Variants in KCNIP1 observed in about 807,000 individuals in gnomAD.
KCNIP1 encodes A-type potassium channel modulatory protein KCNIP1.
Under a neutral mutation model 33.0 loss-of-function variants are expected in KCNIP1, and 18 were observed. The observed-to-expected ratio is 0.55, with a 90% confidence interval of 0.38 to 0.81. The LOEUF is 0.81. Ranked by LOEUF, KCNIP1 falls within the 30% of genes least tolerant of loss-of-function variation. The probability of loss-of-function intolerance (pLI) is 0.00; values close to 1 mark genes in which losing one functional copy is unlikely to be tolerated. For synonymous variants in KCNIP1, 93 were observed against 98.3 expected (o/e 0.95, Z 0.32); for missense variants, 238 against 271.6 (o/e 0.88, Z 0.87).
intron 1 of KCNIP1, among the ~76,000 whole-genome samples, chr5:170,624,984 T>C (rs1050599973): frequency 1.1e-4 from 16 of 152,102 alleles, no homozygotes; most frequent in African/African-American, 3.6e-4. Context: ...GGCTCTTCCC[T>C]GGGGCACTAT....
chr5:170,601,039 T>C (rs901194155), intron 1 of KCNIP1, among the ~76,000 whole-genome samples: 2 of 152,240 alleles, frequency 1.3e-5, no homozygotes, highest in African/African-American at 2.4e-5. Context: ...TCTCTGAGTT[T>C]AATTCCTCCT....
chr5:170,684,095 T>C (rs1013488100), intron 1 of KCNIP1, among the ~76,000 whole-genome samples: 2 of 152,172 alleles, frequency 1.3e-5, no homozygotes, highest in African/African-American at 2.4e-5. Flanking sequence ...ATACAGATAT[T>C]GAGCCAAGAG....
At chr5:170,584,559 T>C (rs1320894901) in intron 1 of KCNIP1, among the ~76,000 whole-genome samples, 3 of 152,042 alleles carry the variant, frequency 2.0e-5, no homozygotes, top group Admixed American at 6.6e-5. Context: ...CAGGGACACG[T>C]AGAGTCAAGG....
At chr5:170,684,099 C>G (rs959135263) in intron 1 of KCNIP1, among the ~76,000 whole-genome samples, 6 of 152,088 alleles carry the variant, frequency 3.9e-5, no homozygotes, top group Non-Finnish European at 5.9e-5. Flanking sequence ...AGATATTGAG[C>G]CAAGAGTCAA....
rs370910676 is a variant in KCNIP1 at position 170,633,827 on chromosome 5, GAGA to G, written c.62-84928_62-84926del. On this transcript the variant is annotated intron_variant, in intron 1 of 7. Transcript: ENST00000328939. Reference sequence around the variant, plus strand: ...AAGGGTTGTGGCTTTTATGCTGCACGAGAAGGAGAGCCATTGGAGAGCTTGGGG... The same window carrying G: ...AAGGGTTGTGGCTTTTATGCTGCACGAGGAGAGCCATTGGAGAGCTTGGGG... 5.2e-3 allele frequency among the ~76,000 whole-genome samples: 782 copies of G among 151,590 alleles called. 7 individuals are homozygous for G. The highest frequency in any genetic ancestry group is 0.018 in the African/African-American group (738 of 41,238).
At chr5:170,381,805 T>G (rs1190931186) in intron 1 of KCNIP1, among the ~76,000 whole-genome samples, 4 of 152,196 alleles carry the variant, frequency 2.6e-5, no homozygotes, top group Non-Finnish European at 4.4e-5. Context: ...TACCAGTTAT[T>G]GAAAATTTGT....
chr5:170,430,626 G>A (rs1345654868), intron 1 of KCNIP1, among the ~76,000 whole-genome samples: 1 of 152,156 alleles, frequency 6.6e-6, no homozygotes, highest in Non-Finnish European at 1.5e-5. Flanking sequence ...CCTCAAGGAT[G>A]GGAACGTCCT....
At chr5:170,670,923 A>G (rs1187468212) in intron 1 of KCNIP1, among the ~76,000 whole-genome samples, 13 of 151,900 alleles carry the variant, frequency 8.6e-5, no homozygotes, top group Middle Eastern at 3.4e-3. Flanking sequence ...ATAAAAAAAA[A>G]AGAAGAGGAC....
intron 1 of KCNIP1, among the ~76,000 whole-genome samples, chr5:170,707,156 AT>A (rs1394154656): frequency 6.9e-5 from 7 of 101,976 alleles, no homozygotes; most frequent in African/African-American, 1.7e-4. Context: ...TAAGTAAATC[AT>A]CAAAAAAAAA....
intron 1 of KCNIP1, among the ~76,000 whole-genome samples, chr5:170,517,861 G>A (rs1244904436): frequency 7.0e-6 from 1 of 142,320 alleles, no homozygotes; most frequent in Non-Finnish European, 1.6e-5. Context: ...TGGTAGTGAT[G>A]GTGGTGGTGG....
rs4428429 is a variant in KCNIP1, at chr5:170,599,882, C to A, written c.61+95249C>A. Among the ~76,000 whole-genome samples, 9 of 152,172 alleles carry A rather than the reference C, an allele frequency of 5.9e-5. No individual in the cohort carries two copies. The South Asian group carries it at 1.7e-3, about 28-fold the overall frequency. On this transcript the variant is annotated intron_variant, in intron 1 of 7. Coordinates refer to ENST00000328939, the MANE Select transcript of KCNIP1 (RefSeq NM_014592.4). ...GAAAATATATTCTACACAGCACTTC[C>A]GTCCTTTTAAAGTGATTCACTCCCT...
chr5:170,427,426 T>C (rs1026117301), intron 1 of KCNIP1, among the ~76,000 whole-genome samples: 1 of 152,204 alleles, frequency 6.6e-6, no homozygotes, highest in South Asian at 2.1e-4. Context: ...ACTGCTGCCC[T>C]ATGAGGCGGG....
At chr5:170,376,414 C>G (rs930631369) in intron 1 of KCNIP1, 1 of 151,990 alleles carries the variant, frequency 6.6e-6, no homozygotes. Context: ...CTGCCCACCT[C>G]GGCCTCCCAA....
intron 1 of KCNIP1, among the ~76,000 whole-genome samples, chr5:170,447,019 T>C (rs145956584): frequency 0.011 from 1,718 of 152,366 alleles, 18 homozygotes; most frequent in South Asian, 0.023. Flanking sequence ...TCCCATTTGA[T>C]GTTTCACCCC....
chr5:170,694,761 T>A (rs1344502181), intron 1 of KCNIP1, among the ~76,000 whole-genome samples: 1 of 152,162 alleles, frequency 6.6e-6, no homozygotes, highest in Non-Finnish European at 1.5e-5. Context: ...CACACATATA[T>A]GTCTGTGACC....
chr5:170,408,739 G>T (rs186784149), intron 1 of KCNIP1, among the ~76,000 whole-genome samples: 2 of 152,158 alleles, frequency 1.3e-5, no homozygotes, highest in Non-Finnish European at 2.9e-5. Flanking sequence ...CTTGAAGAAC[G>T]CTTTCTCTGC....
At chr5:170,680,084 AC>A (rs1762279332) in intron 1 of KCNIP1, among the ~76,000 whole-genome samples, 1 of 152,166 alleles carries the variant, frequency 6.6e-6, no homozygotes, top group South Asian at 2.1e-4. Flanking sequence ...AAAATCTGAC[AC>A]CAATATGTGT....
At chr5:170,669,986 C>G (rs1475246777) in intron 1 of KCNIP1, among the ~76,000 whole-genome samples, 1 of 152,058 alleles carries the variant, frequency 6.6e-6, no homozygotes, top group Non-Finnish European at 1.5e-5. Flanking sequence ...ACCAATTAAA[C>G]CAGGAGAGAA....
intron 1 of KCNIP1, among the ~76,000 whole-genome samples, chr5:170,380,288 C>T (rs1014546015): frequency 5.9e-5 from 9 of 152,196 alleles, no homozygotes; most frequent in East Asian, 1.9e-4. Flanking sequence ...ACCTACAGGG[C>T]CCCCATAGCC....
Sources: gnomAD v4.1 joint callset for allele counts (sites outside exome capture counted in the v4.1 genomes callset) on GRCh38, gnomAD v4.1.1 for gene constraint, MANE v1.5 for transcripts, NCBI Gene and HGNC (gene_info 2026-07-23, HGNC 2026-07-21) for gene names.